Variants in PTPRD observed in about 807,000 individuals in gnomAD.
The protein encoded by PTPRD is protein tyrosine phosphatase receptor type D.
In PTPRD, 34 loss-of-function variants were observed where a neutral mutation model predicts 214.5. The observed-to-expected ratio is 0.16, with a 90% CI of 0.12 to 0.21. The LOEUF (loss-of-function observed/expected upper bound fraction) is 0.21. Ranked by LOEUF, PTPRD falls within the 10% of genes least tolerant of loss-of-function variation. The probability of loss-of-function intolerance (pLI) is 1.00; values close to 1 mark genes in which losing one functional copy is unlikely to be tolerated. For synonymous variants in PTPRD, 1,128 were observed against 845.7 expected (o/e 1.33, Z -5.79); for missense variants, 2,545 against 2,398.7 (o/e 1.06, Z -1.27).
intron 39 of PTPRD, among the ~76,000 whole-genome samples, chr9:8,359,217 C>T (rs1452596571): frequency 6.6e-6 from 1 of 150,956 alleles, no homozygotes; most frequent in East Asian, 1.9e-4. Context: ...GCCCCATGAC[C>T]AGCAGCATCA....
intron 39 of PTPRD, among the ~76,000 whole-genome samples, chr9:8,351,030 G>C (rs537263955): frequency 6.6e-6 from 1 of 152,244 alleles, no homozygotes; most frequent in East Asian, 1.9e-4. Context: ...TTTTATTGTA[G>C]CATTGTTGAT....
chr9:9,210,716 A>G (rs901452226), intron 9 of PTPRD, among the ~76,000 whole-genome samples: 2 of 152,130 alleles, frequency 1.3e-5, no homozygotes, highest in Admixed American at 6.5e-5. Flanking sequence ...CCACATACAA[A>G]TGACTTGCCA....
chr9:9,499,697 C>T (rs1320746788), intron 8 of PTPRD, among the ~76,000 whole-genome samples: 2 of 152,024 alleles, frequency 1.3e-5, no homozygotes, highest in African/African-American at 4.8e-5. Flanking sequence ...TTAGGACCTA[C>T]TTTATTCAAT....
intron 2 of PTPRD, among the ~76,000 whole-genome samples, chr9:10,467,677 T>C (rs1334545541): frequency 1.3e-5 from 2 of 152,204 alleles, no homozygotes; most frequent in Non-Finnish European, 2.9e-5. Context: ...ATGATATATA[T>C]GTGTGTAAAC....
intron 4 of PTPRD, among the ~76,000 whole-genome samples, chr9:9,971,881 G>A (rs1229805918): frequency 6.6e-6 from 1 of 152,068 alleles, no homozygotes; most frequent in Non-Finnish European, 1.5e-5. Context: ...TTCACAATTT[G>A]TAAATAGTAT....
intron 2 of PTPRD, among the ~76,000 whole-genome samples, chr9:10,609,021 T>C (rs1479934281): frequency 6.6e-6 from 1 of 152,170 alleles, no homozygotes; most frequent in Non-Finnish European, 1.5e-5. Context: ...AAATTCTACT[T>C]ATTTAATTTT....
intron 3 of PTPRD, among the ~76,000 whole-genome samples, chr9:10,220,063 T>C (rs1227870713): frequency 6.6e-6 from 1 of 151,892 alleles, no homozygotes; most frequent in Admixed American, 6.6e-5. Context: ...AAAATAATTT[T>C]ACATATTTTA....
At chr9:9,813,805 G>A (rs969705237) in intron 5 of PTPRD, among the ~76,000 whole-genome samples, 3 of 151,962 alleles carry the variant, frequency 2.0e-5, no homozygotes, top group Non-Finnish European at 2.9e-5. Context: ...ATAAAGATGC[G>A]AAAAGAAAAT....
chr9:10,225,152 T>C (rs916430372), intron 3 of PTPRD, among the ~76,000 whole-genome samples: 1 of 152,000 alleles, frequency 6.6e-6, no homozygotes, highest in Non-Finnish European at 1.5e-5. Flanking sequence ...TTAAAATTTA[T>C]ATTTTTATTA....
intron 2 of PTPRD, among the ~76,000 whole-genome samples, chr9:10,564,168 A>ATTCTTTTTT (rs2064906385): frequency 8.4e-5 from 1 of 11,880 alleles, no homozygotes. Context: ...ACACTAGGCT[A>ATTCTTTTTT]TTCTTTTTTT....
At chr9:8,985,109 C>A (rs1403357583) in intron 11 of PTPRD, among the ~76,000 whole-genome samples, 2 of 151,914 alleles carry the variant, frequency 1.3e-5, no homozygotes, top group African/African-American at 4.8e-5. Context: ...CTTGTGCGAT[C>A]AGAAATGCTA....
intron 9 of PTPRD, among the ~76,000 whole-genome samples, chr9:9,262,530 T>C (rs987572651): frequency 1.3e-5 from 2 of 151,478 alleles, no homozygotes; most frequent in Non-Finnish European, 3.0e-5. Flanking sequence ...AGTGTAGCTC[T>C]TGATTGTCCA....
intron 8 of PTPRD, among the ~76,000 whole-genome samples, chr9:9,567,017 G>C (rs1389078821): frequency 6.6e-6 from 1 of 151,992 alleles, no homozygotes; most frequent in African/African-American, 2.4e-5. Flanking sequence ...CCATTGCCGA[G>C]AGAGGTCAAG....
intron 2 of PTPRD, among the ~76,000 whole-genome samples, chr9:10,448,624 C>T (rs1565898): frequency 0.22 from 33,532 of 151,928 alleles, 4,136 homozygotes; most frequent in Non-Finnish European, 0.27. Context: ...ATCCCTTCTT[C>T]ACTACCATCT....
chr9:8,322,081 A>G (rs1828922284), intron 44 of PTPRD, among the ~76,000 whole-genome samples: 1 of 152,072 alleles, frequency 6.6e-6, no homozygotes. Context: ...CCATGACCAT[A>G]AGACAACAAA....
At chr9:9,014,485 G>A (rs989874665) in intron 11 of PTPRD, among the ~76,000 whole-genome samples, 5 of 152,104 alleles carry the variant, frequency 3.3e-5, no homozygotes, top group African/African-American at 7.2e-5. Context: ...CGATACATAT[G>A]TGATTACCTA....
chr9:9,691,973 G>C (rs542799987), intron 7 of PTPRD, among the ~76,000 whole-genome samples: 1 of 151,982 alleles, frequency 6.6e-6, no homozygotes, highest in East Asian at 1.9e-4. Flanking sequence ...ATCAGATTAT[G>C]AGATCTTTTC....
chr9:10,514,459 A>G (rs2049329485), intron 2 of PTPRD, among the ~76,000 whole-genome samples: 1 of 151,518 alleles, frequency 6.6e-6, no homozygotes, highest in Non-Finnish European at 1.5e-5. Flanking sequence ...ATATAGTTAT[A>G]TATATAAAAT....
intron 34 of PTPRD, among the ~76,000 whole-genome samples, chr9:8,442,571 TA>T (rs1490469121): frequency 6.6e-6 from 1 of 152,182 alleles, no homozygotes; most frequent in Non-Finnish European, 1.5e-5. Context: ...AAAGAGAAGC[TA>T]ATTTTTTCAT....
Sources: gnomAD v4.1 joint callset for allele counts (sites outside exome capture counted in the v4.1 genomes callset) on GRCh38, gnomAD v4.1.1 for gene constraint, MANE v1.5 for transcripts, NCBI Gene and HGNC (gene_info 2026-07-23, HGNC 2026-07-21) for gene names.